Variants in ETS1 observed in about 807,000 individuals in gnomAD.
The protein encoded by ETS1 is ETS proto-oncogene 1, transcription factor.
Under a neutral mutation model 58.6 loss-of-function variants are expected in ETS1, and 15 were observed. The ratio of observed to expected loss-of-function variants is 0.26; its 90% CI spans 0.17 to 0.39. The LOEUF (loss-of-function observed/expected upper bound fraction) is 0.39, where lower values mean the gene tolerates loss of function less well. Among genes scored for constraint, ETS1 ranks in the 10% least tolerant of loss-of-function variants. ETS1 has a pLI of 1.00. For missense variants in ETS1, 417 were observed against 610.5 expected (o/e 0.68, Z 3.34); for synonymous variants, 214 against 218.2 (o/e 0.98, Z 0.17).
At chr11:128,529,201 C>T (rs1297473231) in intron 3 of ETS1, 1 of 152,176 alleles carries the variant, frequency 6.6e-6, no homozygotes. Flanking sequence ...TTATGGTGAG[C>T]CAGGGTGCTT....
chr11:128,581,366 T>C (rs919697164), intron 1 of ETS1, among the ~76,000 whole-genome samples: 1 of 152,192 alleles, frequency 6.6e-6, no homozygotes, highest in Non-Finnish European at 1.5e-5. Context: ...AAAGGTAATA[T>C]TCAATACACT....
chr11:128,528,295 A>G (rs548654110), intron 3 of ETS1, among the ~76,000 whole-genome samples: 97 of 152,348 alleles, frequency 6.4e-4, no homozygotes, highest in South Asian at 4.1e-3. Context: ...GAAGAGATGC[A>G]AAGGATCCAG....
chr11:128,517,283 C>T lies in ETS1; in HGVS notation c.215-26707G>A, dbSNP rs554846671. Among the ~76,000 whole-genome samples, 3 of 152,350 alleles carry T rather than the reference C, an allele frequency of 2.0e-5. No individual in the cohort carries two copies. The South Asian group carries it at 6.2e-4, about 32-fold the overall frequency. On this transcript the variant is annotated intron_variant, in intron 3 of 9. Transcript: ENST00000392668. ...CGACCAGCATTGCCTTCTCACCTGCCTGTGTTCTAATTTCCAGAGTTTTTG... is the reference window on the plus strand; with the variant it reads ...CGACCAGCATTGCCTTCTCACCTGCTTGTGTTCTAATTTCCAGAGTTTTTG...
intron 3 of ETS1, among the ~76,000 whole-genome samples, chr11:128,502,837 G>A (rs956994501): frequency 6.6e-6 from 1 of 152,226 alleles, no homozygotes; most frequent in Non-Finnish European, 1.5e-5. Flanking sequence ...GGGCTGGGGA[G>A]GAAGGAACAG....
chr11:128,498,572 C>T (rs1453152415), intron 3 of ETS1, among the ~76,000 whole-genome samples: 2 of 152,186 alleles, frequency 1.3e-5, no homozygotes, highest in Non-Finnish European at 2.9e-5. Context: ...GTTGCAAAAA[C>T]GTCCTAAGAG....
At chr11:128,480,925 C>T (rs188170741) in intron 7 of ETS1, among the ~76,000 whole-genome samples, 105 of 152,284 alleles carry the variant, frequency 6.9e-4, no homozygotes, top group Non-Finnish European at 1.3e-3. Context: ...GTTTGGAAAA[C>T]ATTTTGGTCA....
chr11:128,514,311 C>T (rs1179741511), intron 3 of ETS1, among the ~76,000 whole-genome samples: 1 of 152,062 alleles, frequency 6.6e-6, no homozygotes, highest in African/African-American at 2.4e-5. Flanking sequence ...TTAAATATTC[C>T]TACTTTCAAA....
At chr11:128,480,150 C>A in intron 8 of ETS1, 41 bp downstream of exon 8, 1 of 1,603,016 alleles carries the variant, frequency 6.2e-7, no homozygotes, top group South Asian at 1.1e-5. Flanking sequence ...CCCACAGAAA[C>A]GTGCAGATGG....
chr11:128,522,038 G>C, intron 3 of ETS1: 1 of 1,540,140 alleles, frequency 6.5e-7, no homozygotes, highest in Non-Finnish European at 8.8e-7. Flanking sequence ...CAAGTTTGCA[G>C]TTACTGTTGT....
chr11:128,466,163 T>C lies in ETS1; in HGVS notation c.1124-2536A>G, dbSNP rs541403519. Among the ~76,000 whole-genome samples, 40 of 152,350 alleles carry C rather than the reference T, an allele frequency of 2.6e-4. 1 individual carries two copies. In the South Asian group the frequency reaches 8.1e-3, roughly 31 times the overall value. Reference sequence around the variant, plus strand: ...GGCCGTGCCAGGCCCCGCCATGGCATCCACCTCCACAGGAGATATTTCCAG... The same window carrying C: ...GGCCGTGCCAGGCCCCGCCATGGCACCCACCTCCACAGGAGATATTTCCAG... On this transcript the variant is annotated intron_variant, in intron 8 of 9. Coordinates refer to ENST00000392668, the MANE Select transcript of ETS1 (RefSeq NM_001143820.2).
chr11:128,561,041 C>T (rs898667339), intron 2 of ETS1, among the ~76,000 whole-genome samples: 3 of 152,076 alleles, frequency 2.0e-5, no homozygotes, highest in Admixed American at 6.5e-5. Flanking sequence ...AAGAAAGATT[C>T]AGGGAGGTGT....
chr11:128,583,646 A>G (rs1169857722), intron 1 of ETS1, among the ~76,000 whole-genome samples: 1 of 152,198 alleles, frequency 6.6e-6, no homozygotes, highest in East Asian at 1.9e-4. Flanking sequence ...TTAAGTCTCT[A>G]AAAAGACTAA....
intron 3 of ETS1, among the ~76,000 whole-genome samples, chr11:128,495,122 C>T (rs1373094034): frequency 6.6e-6 from 1 of 152,150 alleles, no homozygotes; most frequent in African/African-American, 2.4e-5. Flanking sequence ...ACAAGGTCCC[C>T]ATTTCACAGA....
intron 3 of ETS1, among the ~76,000 whole-genome samples, chr11:128,541,180 C>T (rs189945579): frequency 1.3e-5 from 2 of 152,166 alleles, no homozygotes; most frequent in East Asian, 1.9e-4. Flanking sequence ...TGGCTGTGTC[C>T]GTCTCAGCAC....
At chr11:128,514,360 C>T (rs1863467679) in intron 3 of ETS1, among the ~76,000 whole-genome samples, 1 of 152,168 alleles carries the variant, frequency 6.6e-6, no homozygotes, top group Non-Finnish European at 1.5e-5. Context: ...CTCTTTGGGT[C>T]CTGGCCTCCT....
chr11:128,558,490 C>T (rs2135559867), intron 2 of ETS1, among the ~76,000 whole-genome samples: 1 of 152,032 alleles, frequency 6.6e-6, no homozygotes, highest in South Asian at 2.1e-4. Flanking sequence ...ACTAAAAATA[C>T]AAAAATTAGC....
At chr11:128,550,468 G>T (rs989561617) in intron 3 of ETS1, among the ~76,000 whole-genome samples, 1 of 152,234 alleles carries the variant, frequency 6.6e-6, no homozygotes, top group Non-Finnish European at 1.5e-5. Context: ...CTGACAGAGC[G>T]AGTGTGCGGG....
intron 1 of ETS1, among the ~76,000 whole-genome samples, chr11:128,584,374 T>G (rs1381269380): frequency 1.3e-5 from 2 of 152,196 alleles, no homozygotes; most frequent in African/African-American, 4.8e-5. Context: ...AAGCTCTGGG[T>G]TCACATTCCA....
chr11:128,489,791 C>T (rs923677225), intron 4 of ETS1, among the ~76,000 whole-genome samples: 3 of 152,200 alleles, frequency 2.0e-5, no homozygotes, highest in Non-Finnish European at 4.4e-5. Context: ...CTCTCACTGC[C>T]TTATTCCCAT....
Sources: allele counts gnomAD v4.1 joint callset (sites outside exome capture counted in the v4.1 genomes callset), GRCh38; gene constraint gnomAD v4.1.1; transcripts MANE v1.5; gene names NCBI Gene and HGNC (gene_info 2026-07-23, HGNC 2026-07-21).